Variants in TENM3 observed in about 807,000 individuals in gnomAD.
The protein encoded by TENM3 is teneurin transmembrane protein 3.
A neutral mutation model predicts 255.1 loss-of-function variants in TENM3; 63 were observed. That is an observed-to-expected ratio of 0.25 (90% CI 0.20 to 0.30). The LOEUF (loss-of-function observed/expected upper bound fraction) is 0.30. Ranked by LOEUF, TENM3 falls within the 10% of genes least tolerant of loss-of-function variation. The pLI, the probability that TENM3 is intolerant of heterozygous loss-of-function variation, is 1.00. For synonymous variants in TENM3, 1,306 were observed against 1,322.3 expected (o/e 0.99, Z 0.27); for missense variants, 2,929 against 3,461.1 (o/e 0.85, Z 3.86).
chr4:182,504,131 C>T (rs185413161), intron 3 of TENM3, among the ~76,000 whole-genome samples: 9 of 151,816 alleles, frequency 5.9e-5, no homozygotes, highest in Non-Finnish European at 7.4e-5. Flanking sequence ...TAGTGCCTGA[C>T]GCCCGGAAAC....
chr4:182,508,093 C>A (rs1442513187), intron 3 of TENM3, among the ~76,000 whole-genome samples: 2 of 152,080 alleles, frequency 1.3e-5, no homozygotes, highest in African/African-American at 4.8e-5. Context: ...CCTGATAGGC[C>A]TCGTCTTTGT....
intron 1 of TENM3, among the ~76,000 whole-genome samples, chr4:182,196,806 T>C (rs1175875150): frequency 5.9e-5 from 9 of 152,238 alleles, no homozygotes; most frequent in Admixed American, 5.9e-4. Context: ...AAAACAGTCA[T>C]ACCTTGTCAG....
At chr4:181,660,905 A>G in the TENM3 span, among the ~76,000 whole-genome samples, 1 of 152,216 alleles carries the variant, frequency 6.6e-6, no homozygotes, top group African/African-American at 2.4e-5. Context: ...CATTCTATCC[A>G]TGCTTTATCT....
intron 3 of TENM3, among the ~76,000 whole-genome samples, chr4:182,553,268 A>G (rs1742240140): frequency 1.3e-5 from 2 of 151,130 alleles, no homozygotes; most frequent in African/African-American, 4.9e-5. Flanking sequence ...CAGTGCTTCT[A>G]TAGTCTTCAT....
the TENM3 span, among the ~76,000 whole-genome samples, chr4:182,050,104 T>C: frequency 6.6e-6 from 1 of 152,108 alleles, no homozygotes; most frequent in Admixed American, 6.6e-5. Flanking sequence ...GCAATTCTCC[T>C]GCCTCAGCCT....
chr4:181,907,423 C>G, the TENM3 span, among the ~76,000 whole-genome samples: 816 of 152,258 alleles, frequency 5.4e-3, 7 homozygotes, highest in African/African-American at 0.019. Flanking sequence ...TCTATGAAAT[C>G]TCCCAAGATT....
chr4:181,515,854 C>A, the TENM3 span, among the ~76,000 whole-genome samples: 1 of 152,022 alleles, frequency 6.6e-6, no homozygotes, highest in Non-Finnish European at 1.5e-5. Flanking sequence ...GGGAATATAC[C>A]AAAGGAATAT....
the TENM3 span, among the ~76,000 whole-genome samples, chr4:181,992,725 G>A: frequency 2.6e-5 from 4 of 151,994 alleles, no homozygotes; most frequent in African/African-American, 7.2e-5. Flanking sequence ...CGGTAATCAC[G>A]ACTAGAAGCA....
chr4:182,701,458 G>T (rs1177871203), intron 12 of TENM3, among the ~76,000 whole-genome samples: 2 of 151,862 alleles, frequency 1.3e-5, no homozygotes, highest in Admixed American at 6.6e-5. Flanking sequence ...CTGACCTCGT[G>T]ATCCGCCCAC....
chr4:181,570,066 T>G, the TENM3 span, among the ~76,000 whole-genome samples: 449 of 130,446 alleles, frequency 3.4e-3, 5 homozygotes, highest in African/African-American at 0.013. Flanking sequence ...TGAGACGGAG[T>G]CTCGCTCTGT....
intron 6 of TENM3, among the ~76,000 whole-genome samples, chr4:182,661,932 A>G (rs550442245): frequency 1.3e-5 from 2 of 152,324 alleles, no homozygotes; most frequent in African/African-American, 4.8e-5. Context: ...TTCATGATAT[A>G]TATGGCAGAA....
intron 3 of TENM3, among the ~76,000 whole-genome samples, chr4:182,586,925 TTATC>T (rs1279779377): frequency 6.6e-6 from 1 of 152,234 alleles, no homozygotes; most frequent in East Asian, 1.9e-4. Flanking sequence ...ATTGGGAACT[TTATC>T]TGTGTGCTCT....
At chr4:181,887,332 G>A in the TENM3 span, among the ~76,000 whole-genome samples, 3 of 152,000 alleles carry the variant, frequency 2.0e-5, no homozygotes, top group East Asian at 5.8e-4. Flanking sequence ...GTATTTACAA[G>A]GCTGTTAATG....
intron 1 of TENM3, among the ~76,000 whole-genome samples, chr4:182,183,608 A>C (rs551724307): frequency 2.6e-5 from 4 of 152,268 alleles, no homozygotes; most frequent in African/African-American, 9.6e-5. Flanking sequence ...AGTTTAACAT[A>C]CTGAGAGACC....
At chr4:182,004,220 C>A in the TENM3 span, among the ~76,000 whole-genome samples, 1 of 152,162 alleles carries the variant, frequency 6.6e-6, no homozygotes, top group South Asian at 2.1e-4. Flanking sequence ...CTCGCCTCAC[C>A]CCCAACCCCC....
chr4:181,521,756 CA>C, the TENM3 span, among the ~76,000 whole-genome samples: 11 of 151,944 alleles, frequency 7.2e-5, no homozygotes, highest in Non-Finnish European at 1.5e-4. Context: ...CATTACCAAG[CA>C]TGTATGAAAT....
At chr4:181,556,679 G>A in the TENM3 span, among the ~76,000 whole-genome samples, 1,723 of 152,056 alleles carry the variant, frequency 0.011, 40 homozygotes, top group African/African-American at 0.039. Context: ...CCTGCACTTC[G>A]ATTCTTTATT....
chr4:182,523,438 G>A (rs572020121), intron 3 of TENM3, among the ~76,000 whole-genome samples: 3 of 152,196 alleles, frequency 2.0e-5, no homozygotes, highest in African/African-American at 7.2e-5. Flanking sequence ...AACATGTAAG[G>A]TTCCTTTGTG....
the TENM3 span, among the ~76,000 whole-genome samples, chr4:181,581,064 C>T: frequency 6.6e-6 from 1 of 151,858 alleles, no homozygotes; most frequent in Non-Finnish European, 1.5e-5. Flanking sequence ...AGGCAAACAG[C>T]AAAAATGGCA....
Sources: allele counts gnomAD v4.1 joint callset (sites outside exome capture counted in the v4.1 genomes callset), GRCh38; gene constraint gnomAD v4.1.1; transcripts MANE v1.5; gene names NCBI Gene and HGNC (gene_info 2026-07-23, HGNC 2026-07-21).